The following PLPP4 variants were observed in gnomAD, a reference collection of about 807,000 sequenced individuals.
The protein encoded by PLPP4 is phospholipid phosphatase 4, also known as diacylglycerol pyrophosphate like 2.
PLPP4 carries 20 observed loss-of-function variants against 32.2 expected under a neutral mutation model. The observed-to-expected ratio is 0.62, with a 90% CI of 0.44 to 0.90. The LOEUF is 0.90. Among genes scored for constraint, PLPP4 ranks in the 40% least tolerant of loss-of-function variants. The pLI is 0.00. For synonymous variants in PLPP4, 127 were observed against 133.0 expected (o/e 0.95, Z 0.31); for missense variants, 257 against 353.1 (o/e 0.73, Z 2.18).
At chr10:120,553,947 C>T (rs1276003735) in intron 5 of PLPP4, among the ~76,000 whole-genome samples, 1 of 152,224 alleles carries the variant, frequency 6.6e-6, no homozygotes, top group Non-Finnish European at 1.5e-5. Flanking sequence ...TCCCCAAAGT[C>T]TTGGCTATTA....
intron 1 of PLPP4, among the ~76,000 whole-genome samples, chr10:120,491,269 C>T (rs1056691327): frequency 6.6e-6 from 1 of 152,182 alleles, no homozygotes; most frequent in African/African-American, 2.4e-5. Flanking sequence ...AGTCACCTGC[C>T]ACTGTGATGT....
chr10:120,502,097 G>A (rs560162549), intron 1 of PLPP4, among the ~76,000 whole-genome samples: 50 of 152,294 alleles, frequency 3.3e-4, no homozygotes, highest in African/African-American at 1.2e-3. Flanking sequence ...GGATGCAATA[G>A]GGATTCTGTA....
intron 6 of PLPP4, among the ~76,000 whole-genome samples, chr10:120,575,757 T>C (rs983578760): frequency 6.6e-6 from 1 of 152,136 alleles, no homozygotes; most frequent in Admixed American, 6.5e-5. Context: ...CCAGTAATGC[T>C]CCAAGCAGCA....
At chr10:120,520,846 T>C in intron 4 of PLPP4, 125 bp from the exon 5 acceptor site, 1 of 1,168,076 alleles carries the variant, frequency 8.6e-7, no homozygotes, top group Non-Finnish European at 1.2e-6. Flanking sequence ...TGTGAGGAGC[T>C]CCAGTGTTGA....
intron 1 of PLPP4, among the ~76,000 whole-genome samples, chr10:120,464,519 A>G (rs1303641450): frequency 6.6e-6 from 1 of 152,154 alleles, no homozygotes; most frequent in African/African-American, 2.4e-5. Flanking sequence ...AAAGTGAGGG[A>G]TGTACCTTGC....
chr10:120,519,287 C>T (rs1846057613), intron 4 of PLPP4, among the ~76,000 whole-genome samples: 1 of 152,076 alleles, frequency 6.6e-6, no homozygotes. Context: ...TGAGCCTTGG[C>T]TTATGGCACA....
chr10:120,519,343 T>C (rs1846059425), intron 4 of PLPP4, among the ~76,000 whole-genome samples: 1 of 152,112 alleles, frequency 6.6e-6, no homozygotes, highest in Non-Finnish European at 1.5e-5. Context: ...TCCATTTATC[T>C]TTCCTTCTCT....
chr10:120,575,404 G>GTTTGA, intron 6 of PLPP4, 103 bp downstream of exon 6: 1 of 1,258,322 alleles, frequency 7.9e-7, no homozygotes. Context: ...AGTGCCCATT[G>GTTTGA]TCCAAAACCA....
chr10:120,565,992 T>C (rs1167087080), intron 5 of PLPP4, among the ~76,000 whole-genome samples: 1 of 152,194 alleles, frequency 6.6e-6, no homozygotes, highest in African/African-American at 2.4e-5. Context: ...GTTTTAAAGT[T>C]TAATTACTAT....
At chr10:120,521,446 T>C (rs760220087) in intron 5 of PLPP4, among the ~76,000 whole-genome samples, 2 of 152,230 alleles carry the variant, frequency 1.3e-5, no homozygotes, top group Non-Finnish European at 2.9e-5. Flanking sequence ...ATTTCTTCAA[T>C]TCAGGTGTTG....
intron 5 of PLPP4, among the ~76,000 whole-genome samples, chr10:120,528,365 C>G (rs1250483923): frequency 1.6e-4 from 24 of 152,158 alleles, no homozygotes; most frequent in African/African-American, 2.4e-5. Flanking sequence ...TGAGCCACCA[C>G]GCCCGGCCGC....
chr10:120,532,245 C>CT (rs1407015262), intron 5 of PLPP4, among the ~76,000 whole-genome samples: 1 of 152,092 alleles, frequency 6.6e-6, no homozygotes, highest in Admixed American at 6.5e-5. Context: ...ATGAACTCAT[C>CT]TTTTTTTGTG....
chr10:120,480,367 C>T (rs1326661), intron 1 of PLPP4, among the ~76,000 whole-genome samples: 8,244 of 152,252 alleles, frequency 0.054, 282 homozygotes, highest in Middle Eastern at 0.15. Flanking sequence ...GGCCATGCCT[C>T]AGGACCCTGA....
chr10:120,549,831 A>G (rs187396031), intron 5 of PLPP4, among the ~76,000 whole-genome samples: 12 of 152,090 alleles, frequency 7.9e-5, no homozygotes, highest in Admixed American at 7.2e-4. Flanking sequence ...ATAGAAAGAA[A>G]CTTCCCAGTC....
chr10:120,460,975 A>G (rs1328749294), intron 1 of PLPP4, among the ~76,000 whole-genome samples: 1 of 152,218 alleles, frequency 6.6e-6, no homozygotes, highest in Non-Finnish European at 1.5e-5. Context: ...GACAGAAGAC[A>G]TCCAGCCCCA....
intron 1 of PLPP4, among the ~76,000 whole-genome samples, chr10:120,481,970 A>G (rs1482291574): frequency 1.3e-5 from 2 of 152,200 alleles, no homozygotes; most frequent in African/African-American, 2.4e-5. Flanking sequence ...GCCTGCTACC[A>G]TCCATGTAAG....
At chr10:120,531,946 T>C (rs1320474155) in intron 5 of PLPP4, among the ~76,000 whole-genome samples, 1 of 152,036 alleles carries the variant, frequency 6.6e-6, no homozygotes, top group Non-Finnish European at 1.5e-5. Context: ...AGTTCTGGGA[T>C]ACATGTGCAG....
chr10:120,569,739 T>C (rs976867795), intron 5 of PLPP4, among the ~76,000 whole-genome samples: 1 of 152,176 alleles, frequency 6.6e-6, no homozygotes, highest in Non-Finnish European at 1.5e-5. Flanking sequence ...CTTAATAGGG[T>C]CCAGGTATAT....
rs556657098 is a variant in PLPP4, at chr10:120,560,141, AACCTTGAATAAC to A, written c.446-14986_446-14975del. ...CCATTGTGTTTGGTGCAATGTTGTA[AACCTTGAATAAC>A]ACCATGGGACTTATGAAGTGTCACT... On this transcript the variant is annotated intron_variant, in intron 5 of 6. Transcript: ENST00000398250. Among the ~76,000 whole-genome samples the A allele has an allele frequency of 1.2e-4, 19 of 152,318 alleles. No individual in the cohort carries two copies. The East Asian group carries it at 3.7e-3, about 29-fold the overall frequency.
Sources: allele counts gnomAD v4.1 joint callset (sites outside exome capture counted in the v4.1 genomes callset), GRCh38; gene constraint gnomAD v4.1.1; transcripts MANE v1.5; gene names NCBI Gene and HGNC (gene_info 2026-07-23, HGNC 2026-07-21).